Variants in WDR72 observed in about 807,000 individuals in gnomAD.
WDR72 encodes the protein WD repeat domain 72.
WDR72 carries 120 observed loss-of-function variants against 124.2 expected under a neutral mutation model. The ratio of observed to expected loss-of-function variants is 0.97; its 90% CI spans 0.83 to 1.12. WDR72 has a LOEUF of 1.12. WDR72 is among the 50% of genes most tolerant of loss of function. The pLI is 0.00. For synonymous variants in WDR72, 452 were observed against 441.7 expected, an observed-to-expected ratio of 1.02 and a Z score of -0.29; for missense variants, 1,387 against 1,278.8, an observed-to-expected ratio of 1.08 and a Z score of -1.29.
chr15:53,611,738 ATTT>A (rs36097219), intron 16 of WDR72, among the ~76,000 whole-genome samples: 83 of 146,544 alleles, frequency 5.7e-4, no homozygotes, highest in African/African-American at 2.0e-3. Flanking sequence ...CTTGAGTCCC[ATTT>A]TTTTTTTTTA....
intron 1 of WDR72, among the ~76,000 whole-genome samples, chr15:53,742,594 G>C (rs889013347): frequency 7.2e-5 from 11 of 151,942 alleles, no homozygotes; most frequent in African/African-American, 2.7e-4. Context: ...TTTCACTGGA[G>C]AAAATAAGTG....
rs1491589179 is a variant in WDR72, at chr15:53,734,819, AAT to A, written c.-12-1660_-12-1659del. 2.7e-3 allele frequency among the ~76,000 whole-genome samples: 318 copies of A among 116,294 alleles called. 1 individual carries two copies. Among genetic ancestry groups the A allele is most frequent in the Middle Eastern group, 4.2e-3 (1 of 240 alleles). The allele number at this position is 116,294 out of a possible 152,430, so 76.3% of individuals were successfully genotyped here. Reference sequence around the variant, plus strand: ...AAATGGGTTGGGACTAAAAAAAAAAAATAATAATATTATATATAATTCCGGAA... The same window carrying A: ...AAATGGGTTGGGACTAAAAAAAAAAAAATAATATTATATATAATTCCGGAA... On this transcript the variant is annotated intron_variant, in intron 1 of 19. Coordinates refer to ENST00000360509, the MANE Select transcript of WDR72 (RefSeq NM_182758.4).
intron 18 of WDR72, among the ~76,000 whole-genome samples, chr15:53,546,546 G>A (rs1893470211): frequency 1.3e-5 from 2 of 151,914 alleles, no homozygotes; most frequent in African/African-American, 2.4e-5. Context: ...GATAGCATTG[G>A]GAGATATACC....
intron 19 of WDR72, among the ~76,000 whole-genome samples, chr15:53,518,114 T>TCAAA (rs1891565076): frequency 6.6e-6 from 1 of 152,164 alleles, no homozygotes; most frequent in African/African-American, 2.4e-5. Context: ...TCCATAAATT[T>TCAAA]CAAACAGCTT....
chr15:53,668,808 AGG>A lies in WDR72; in HGVS notation c.1766-3042_1766-3041del, dbSNP rs2015868414. Among the ~76,000 whole-genome samples, 17 of 29,004 alleles carry A rather than the reference AGG, an allele frequency of 5.9e-4. No homozygotes were observed. The South Asian group carries it at 0.028, about 48-fold the overall frequency. 19.0% of individuals were successfully genotyped at this position (29,004 alleles called of 152,430 possible). A position where few individuals can be genotyped will look rare whatever the true frequency, so the allele number is the denominator to read the frequency against. On this transcript the variant is annotated intron_variant, in intron 13 of 19. Transcript: ENST00000360509. ...GTAGTCACAGCTACTTGGGGGGCTGAGGTGGGAGGATCACTTGAGCCAGAAAG... is the reference window on the plus strand; with the variant it reads ...GTAGTCACAGCTACTTGGGGGGCTGATGGGAGGATCACTTGAGCCAGAAAG...
At chr15:53,658,141 G>C (rs1276582159) in intron 14 of WDR72, among the ~76,000 whole-genome samples, 2 of 152,110 alleles carry the variant, frequency 1.3e-5, no homozygotes, top group Admixed American at 6.6e-5. Flanking sequence ...AACTAGAAAT[G>C]ATTTAAATAA....
Position 53,722,778 on chromosome 15 carries a change from A to G in WDR72, c.260+24T>C, listed in dbSNP as rs368106141. ...AAAAGGGAAGGAAATGGAGAAGGGG[A>G]CAAAGTTTACATACCATACCTACCC... On this transcript the variant is annotated intron_variant, in intron 3 of 19. Coordinates refer to ENST00000360509, the MANE Select transcript of WDR72 (RefSeq NM_182758.4). 4 of 1,600,788 alleles carry G rather than the reference A, an allele frequency of 2.5e-6. No homozygotes were observed. The African/African-American group carries it at 4.0e-5, about 16-fold the overall frequency.
chr15:53,562,253 T>C (rs1316459104), intron 18 of WDR72, among the ~76,000 whole-genome samples: 1 of 151,856 alleles, frequency 6.6e-6, no homozygotes, highest in African/African-American at 2.4e-5. Flanking sequence ...TCCTTGTTAC[T>C]ACTTTGCATA....
At chr15:53,625,119 A>G (rs2014151747) in intron 14 of WDR72, among the ~76,000 whole-genome samples, 1 of 152,260 alleles carries the variant, frequency 6.6e-6, no homozygotes, top group African/African-American at 2.4e-5. Context: ...TATCTAAAAC[A>G]TCATTCTAAC....
chr15:53,613,690 T>C lies in WDR72; in HGVS notation c.2848A>G (p.Ser950Gly), dbSNP rs777649689. The C allele has an allele frequency of 4.3e-6, 7 of 1,610,562 alleles. No homozygotes were observed. Among genetic ancestry groups the C allele is most frequent in the African/African-American group, 2.7e-5 (2 of 74,830 alleles). ...CCATTTCGTAAGCAACTGTAGAAGC[T>C]TGACATATTTAAAATGTCATTCCCA... is the stretch of plus-strand genomic sequence containing the variant. Reference protein sequence around the residue: ...GAGNDILNMSSFYSCLRNGKN... With the variant: ...GAGNDILNMSGFYSCLRNGKN... Residue 950 changes from serine (S) to glycine (G), a missense_variant, in exon 16 of 20, where the codon AGC becomes GGC. By Grantham distance (56) the Ser-to-Gly change is moderately conservative (BLOSUM62 0). Transcript: ENST00000360509.
chr15:53,657,095 T>C (rs551312735), intron 14 of WDR72, among the ~76,000 whole-genome samples: 1 of 151,584 alleles, frequency 6.6e-6, no homozygotes, highest in East Asian at 1.9e-4. Context: ...AAACCCCGTC[T>C]CTACTAAAAA....
At position 53,705,996 on chromosome 15, in the gene WDR72, C is replaced by G. The variant is rs1212233988; in HGVS notation, c.1033G>C (p.Val345Leu). The change falls in exon 10 of 20, where the codon GTC becomes CTC. Residue 345 changes from valine (V) to leucine (L), a missense_variant. Physicochemically the swap from Val to Leu is conservative, Grantham distance 32. Transcript: ENST00000360509. ...PFYKVLFSGE[V>L]SGRITLWHIP... ...TGCCACAAAGTAATTCTTCCTGAGACTTCTCCAGAGAAAAGTACCTTGTAA... is the reference window on the plus strand; with the variant it reads ...TGCCACAAAGTAATTCTTCCTGAGAGTTCTCCAGAGAAAAGTACCTTGTAA... 1 of 1,614,080 alleles carries G rather than the reference C, an allele frequency of 6.2e-7. No homozygotes were observed. The highest frequency in any genetic ancestry group is 1.7e-5 in the Admixed American group (1 of 60,014).
intron 18 of WDR72, among the ~76,000 whole-genome samples, chr15:53,532,830 C>T (rs1222749374): frequency 6.6e-6 from 1 of 151,852 alleles, no homozygotes; most frequent in Non-Finnish European, 1.5e-5. Context: ...TGATGGAAAC[C>T]CAGTTACCCT....
intron 13 of WDR72, among the ~76,000 whole-genome samples, chr15:53,688,747 G>T (rs1271046727): frequency 6.6e-6 from 1 of 151,890 alleles, no homozygotes; most frequent in African/African-American, 2.4e-5. Flanking sequence ...AAAAGAGCCC[G>T]CATCGCCAAG....
chr15:53,689,132 T>C lies in WDR72; in HGVS notation c.1765+10618A>G, dbSNP rs527885639. ...AAATCCTGGAAGAAAACCTAGGCAT[T>C]ACCATTCAGGACATAGGCATGGGCC... On this transcript the variant is annotated intron_variant, in intron 13 of 19. Transcript: ENST00000360509. 1.9e-3 allele frequency among the ~76,000 whole-genome samples: 286 copies of C among 152,298 alleles called. 1 individual carries two copies. Among genetic ancestry groups the C allele is most frequent in the African/African-American group, 6.7e-3 (280 of 41,550 alleles).
intron 13 of WDR72, among the ~76,000 whole-genome samples, chr15:53,686,546 C>T (rs150695065): frequency 0.021 from 3,098 of 150,476 alleles, 49 homozygotes; most frequent in East Asian, 0.057. Flanking sequence ...CACAAGAGCA[C>T]CCAGATTCAT....
Position 53,615,443 on chromosome 15 carries a change from C to A in WDR72, c.2763G>T (p.Leu921Phe). 1 of 1,610,518 alleles carries A rather than the reference C, an allele frequency of 6.2e-7. No individual in the cohort carries two copies. The highest frequency in any genetic ancestry group is 1.1e-5 in the South Asian group (1 of 90,828). The change falls in exon 15 of 20, where the codon TTG becomes TTT. Residue 921 changes from leucine to phenylalanine, a missense_variant. Coordinates refer to ENST00000360509, the MANE Select transcript of WDR72 (RefSeq NM_182758.4). Reference protein sequence around the residue: ...VNKLVNMPLELACRVGSSFRM... With the variant: ...VNKLVNMPLEFACRVGSSFRM... ...TGTCTTACCTGCCAACTCTACATGC[C>A]AATTCTAAAGGCATGTTAACTAATT...
intron 14 of WDR72, among the ~76,000 whole-genome samples, chr15:53,632,658 C>G (rs566949748): frequency 1.3e-5 from 2 of 152,366 alleles, no homozygotes; most frequent in African/African-American, 4.8e-5. Context: ...GGGGGCTGAA[C>G]CCTGGGAAGC....
At chr15:53,574,013 C>T (rs1050162388) in intron 18 of WDR72, among the ~76,000 whole-genome samples, 2 of 152,182 alleles carry the variant, frequency 1.3e-5, no homozygotes, top group African/African-American at 4.8e-5. Flanking sequence ...TATAGAAATA[C>T]ACCCAGATTG....
Sources: allele counts gnomAD v4.1 joint callset (sites outside exome capture counted in the v4.1 genomes callset), GRCh38; gene constraint gnomAD v4.1.1; transcripts MANE v1.5; gene names NCBI Gene and HGNC (gene_info 2026-07-23, HGNC 2026-07-21).